The following WDR72 variants were observed in gnomAD, a reference collection of about 807,000 sequenced individuals.
WDR72 encodes the protein WD repeat-containing protein 72.
Under a neutral mutation model 124.2 loss-of-function variants are expected in WDR72, and 120 were observed. The ratio of observed to expected loss-of-function variants is 0.97; its 90% confidence interval spans 0.83 to 1.12. The LOEUF (loss-of-function observed/expected upper bound fraction) is 1.12, where lower values mean the gene tolerates loss of function less well. WDR72 is among the 50% of genes most tolerant of loss of function. WDR72 has a pLI of 0.00. For missense variants in WDR72, 1,387 were observed against 1,278.8 expected, an observed-to-expected ratio of 1.08 and a Z score of -1.29; for synonymous variants, 452 against 441.7, an observed-to-expected ratio of 1.02 and a Z score of -0.29.
intron 9 of WDR72, among the ~76,000 whole-genome samples, chr15:53,708,781 T>C (rs563674398): frequency 6.6e-6 from 1 of 152,294 alleles, no homozygotes; most frequent in Admixed American, 6.5e-5. Context: ...TATTCCCACT[T>C]CAGCACAGCA....
intron 13 of WDR72, among the ~76,000 whole-genome samples, chr15:53,685,754 A>G (rs1360965337): frequency 1.3e-5 from 2 of 150,478 alleles, no homozygotes. Flanking sequence ...CAAGACACAT[A>G]ATTGTCAGAT....
At chr15:53,729,367 T>A (rs1338920244) in intron 2 of WDR72, among the ~76,000 whole-genome samples, 1 of 152,054 alleles carries the variant, frequency 6.6e-6, no homozygotes, top group Non-Finnish European at 1.5e-5. Flanking sequence ...TAGCAAGTGA[T>A]CTTCTAAAAC....
At chr15:53,684,200 G>A (rs6493636) in intron 13 of WDR72, 9,017 of 152,272 alleles carry the variant, frequency 0.059, 470 homozygotes, top group East Asian at 0.21. Context: ...AAGAATTGCC[G>A]GAGGAGCCAA....
At chr15:53,753,868 A>T (rs2018833544) in intron 1 of WDR72, among the ~76,000 whole-genome samples, 1 of 152,142 alleles carries the variant, frequency 6.6e-6, no homozygotes, top group Non-Finnish European at 1.5e-5. Flanking sequence ...TACTGTTATT[A>T]GGAAAAGAAG....
At chr15:53,691,032 T>G (rs2016821275) in intron 13 of WDR72, among the ~76,000 whole-genome samples, 2 of 152,116 alleles carry the variant, frequency 1.3e-5, no homozygotes, top group Non-Finnish European at 2.9e-5. Flanking sequence ...ATAACTTTGA[T>G]TTGCATTTCC....
chr15:53,658,339 C>T (rs1421526258), intron 14 of WDR72, among the ~76,000 whole-genome samples: 1 of 152,098 alleles, frequency 6.6e-6, no homozygotes, highest in African/African-American at 2.4e-5. Flanking sequence ...AAAAATAGCC[C>T]TGTGTGTAGT....
In WDR72 at chr15:53,615,826, T is replaced by C. The variant is rs765292193; in HGVS notation, c.2380A>G (p.Thr794Ala). Residue 794 changes from threonine (T) to alanine (A), a missense_variant, in exon 15 of 20, where the codon ACA becomes GCA. Coordinates refer to ENST00000360509, the MANE Select transcript of WDR72 (RefSeq NM_182758.4). The stretch of plus-strand genomic sequence containing the variant: ...AGGCAAGACAGAAACAATTTTGCTG[T>C]GTCTATTGTGAGACTGGCATCTACT... ...RKVDASLTID[T>A]AKLFLSCLLP... The C allele has an allele frequency of 4.3e-6, 7 of 1,613,518 alleles. No individual in the cohort carries two copies. The Admixed American group carries it at 1.0e-4, about 23-fold the overall frequency.
upstream of WDR72, chr15:53,759,676 CGGGTCTCGCCCTTA>C (rs1183451794): frequency 1.3e-5 from 2 of 152,146 alleles, no homozygotes; most frequent in Non-Finnish European, 2.9e-5. Context: ...GGCAGGCTGG[CGGGTCTCGCCCTTA>C]GGGTCACGGG....
intron 17 of WDR72, among the ~76,000 whole-genome samples, chr15:53,599,839 A>T (rs2012961154): frequency 6.6e-6 from 1 of 152,188 alleles, no homozygotes; most frequent in African/African-American, 2.4e-5. Flanking sequence ...TATTTGATTT[A>T]CATGTCATGA....
intron 17 of WDR72, among the ~76,000 whole-genome samples, chr15:53,606,107 G>A (rs533961285): frequency 9.2e-5 from 14 of 152,188 alleles, no homozygotes; most frequent in Non-Finnish European, 1.3e-4. Flanking sequence ...TTCACATACC[G>A]TCACAGAATC....
At chr15:53,616,348 G>T in intron 14 of WDR72, 105 bp from the exon 15 acceptor site, 2 of 873,992 alleles carry the variant, frequency 2.3e-6, no homozygotes, top group Non-Finnish European at 3.5e-6. Context: ...TTGCAGAGCA[G>T]CTAAAGGCAA....
intron 18 of WDR72, among the ~76,000 whole-genome samples, chr15:53,526,957 G>A (rs998070179): frequency 1.3e-5 from 2 of 152,034 alleles, no homozygotes; most frequent in Non-Finnish European, 2.9e-5. Context: ...AAATATTGAC[G>A]ACTGAAGGGC....
chr15:53,544,503 G>C (rs552350275), intron 18 of WDR72, among the ~76,000 whole-genome samples: 1 of 141,764 alleles, frequency 7.1e-6, no homozygotes, highest in East Asian at 2.0e-4. Flanking sequence ...GTATTGATGG[G>C]ACGTATTTCA....
intron 18 of WDR72, among the ~76,000 whole-genome samples, chr15:53,535,047 A>G (rs1892688957): frequency 6.6e-6 from 1 of 152,160 alleles, no homozygotes; most frequent in South Asian, 2.1e-4. Flanking sequence ...TAATAAAGGA[A>G]AAAGGAAATA....
At chr15:53,696,378 A>G (rs2017003361) in intron 13 of WDR72, among the ~76,000 whole-genome samples, 1 of 152,172 alleles carries the variant, frequency 6.6e-6, no homozygotes, top group African/African-American at 2.4e-5. Context: ...TGAAGCAGAA[A>G]GCTAAGGACC....
intron 18 of WDR72, among the ~76,000 whole-genome samples, chr15:53,543,313 T>C (rs576032945): frequency 4.0e-5 from 6 of 151,648 alleles, no homozygotes; most frequent in African/African-American, 1.2e-4. Context: ...CACAGTGCAA[T>C]GAAACTAGAA....
chr15:53,518,867 G>A (rs1315704017), intron 19 of WDR72, among the ~76,000 whole-genome samples: 2 of 151,660 alleles, frequency 1.3e-5, no homozygotes, highest in East Asian at 2.0e-4. Flanking sequence ...ATGTAATATT[G>A]ATTGACAATG....
intron 18 of WDR72, among the ~76,000 whole-genome samples, chr15:53,533,328 G>A (rs1333072997): frequency 6.6e-6 from 1 of 152,002 alleles, no homozygotes; most frequent in Non-Finnish European, 1.5e-5. Context: ...TTGCTAAAAA[G>A]TTATATATAC....
chr15:53,683,318 C>A (rs917979177), intron 13 of WDR72, among the ~76,000 whole-genome samples: 2 of 152,060 alleles, frequency 1.3e-5, no homozygotes, highest in Non-Finnish European at 2.9e-5. Context: ...TTATACATGT[C>A]ATAGTAGCTA....
Sources: allele counts gnomAD v4.1 joint callset (sites outside exome capture counted in the v4.1 genomes callset), GRCh38; gene constraint gnomAD v4.1.1; transcripts MANE v1.5; gene names NCBI Gene and HGNC (gene_info 2026-07-23, HGNC 2026-07-21).